DMD: variants seen among roughly 807,000 people sequenced by gnomAD.
DMD encodes dystrophin, also known as mutant dystrophin.
Under a neutral mutation model 330.1 loss-of-function variants are expected in DMD, and 63 were observed. That is an observed-to-expected ratio of 0.19 (90% CI 0.16 to 0.24). The LOEUF is 0.24. Ranked by LOEUF, DMD falls within the 10% of genes least tolerant of loss-of-function variation. The pLI is 1.00. For synonymous variants in DMD, 1,223 were observed against 959.8 expected, an observed-to-expected ratio of 1.27 and a Z score of -5.07; for missense variants, 3,344 against 2,684.1, an observed-to-expected ratio of 1.25 and a Z score of -5.43.
intron 47 of DMD, among the ~76,000 whole-genome samples, chrX:31,915,327 C>A (rs1433115695): frequency 8.9e-6 from 1 of 111,853 alleles, no homozygotes; most frequent in Non-Finnish European, 1.9e-5. Flanking sequence ...AGTATAGCTG[C>A]CTTGCTAGCC....
At chrX:31,723,641 C>CACACACAG (rs2085758730) in intron 52 of DMD, among the ~76,000 whole-genome samples, 2 of 106,976 alleles carry the variant, frequency 1.9e-5, no homozygotes, top group Admixed American at 2.0e-4. Flanking sequence ...CACACACACA[C>CACACACAG]ACACACACAC....
chrX:32,132,255 A>G (rs1198404136), intron 44 of DMD, among the ~76,000 whole-genome samples: 1 of 112,087 alleles, frequency 8.9e-6, no homozygotes, highest in Admixed American at 9.5e-5. Flanking sequence ...GTCACTCTAA[A>G]AAATGTGCAA....
At chrX:33,231,964 C>T (rs2052395587) in intron 1 of DMD, among the ~76,000 whole-genome samples, 1 of 111,213 alleles carries the variant, frequency 9.0e-6, no homozygotes, top group Non-Finnish European at 1.9e-5. Context: ...TAGGGGTCAG[C>T]TTCACAGTGA....
chrX:31,966,370 T>C (rs2095351380), intron 45 of DMD, among the ~76,000 whole-genome samples: 1 of 111,275 alleles, frequency 9.0e-6, no homozygotes, highest in African/African-American at 3.3e-5. Context: ...TTTATTACAT[T>C]TTTACATTTC....
intron 59 of DMD, among the ~76,000 whole-genome samples, chrX:31,455,742 A>G (rs900615029): frequency 5.3e-5 from 6 of 112,624 alleles, no homozygotes; most frequent in African/African-American, 1.9e-4. Flanking sequence ...TAAAATAAAA[A>G]TGGAGTGAGT....
chrX:31,795,381 T>C (rs2149328138), intron 50 of DMD, among the ~76,000 whole-genome samples: 1 of 112,266 alleles, frequency 8.9e-6, no homozygotes, highest in Non-Finnish European at 1.9e-5. Flanking sequence ...GGGTGAAATC[T>C]CTGAATCTGT....
chrX:32,251,196 T>TA (rs1320791156), intron 43 of DMD, among the ~76,000 whole-genome samples: 4 of 106,360 alleles, frequency 3.8e-5, no homozygotes, highest in South Asian at 4.1e-4. Context: ...TAATAATAAT[T>TA]AAAAAAAAAA....
chrX:32,335,881 GTTATATATAA>G (rs2097708905), intron 41 of DMD, among the ~76,000 whole-genome samples: 1 of 103,131 alleles, frequency 9.7e-6, no homozygotes, highest in East Asian at 3.8e-4. Flanking sequence ...TGTATAACAT[GTTATATATAA>G]CATGTTATAC....
rs760373690 is a variant in DMD, at chrX:32,441,168, T to C, written c.3921+12A>G. The C allele has an allele frequency of 6.2e-5, 75 of 1,205,881 alleles. 1 individual carries two copies. The East Asian group carries it at 1.9e-3, about 30-fold the overall frequency. On this transcript the variant is annotated intron_variant, in intron 28 of 78. Coordinates refer to ENST00000357033, the MANE Select transcript of DMD (RefSeq NM_004006.3). The stretch of plus-strand genomic sequence containing the variant: ...TATAAATTATCATCATTTGGCTTAA[T>C]TTACAACTTACATCTAGCACCTCAG...
At chrX:31,200,850 T>C (rs146523573) in intron 67 of DMD, among the ~76,000 whole-genome samples, 1,762 of 111,454 alleles carry the variant, frequency 0.016, 36 homozygotes, top group African/African-American at 0.054. Context: ...AGAATGGCAA[T>C]GGAAAGCAAT....
rs1255732756 is a variant in DMD, at chrX:32,370,217, GTGT to G, written c.4846-5021_4846-5019del. 6.1e-5 allele frequency among the ~76,000 whole-genome samples: 4 copies of G among 65,573 alleles called. No individual in the cohort carries two copies. The Admixed American group carries it at 7.0e-4, about 11-fold the overall frequency. 56.9% of individuals were successfully genotyped at this position (65,573 alleles called of 115,157 possible). ...ATTAAGGTTTACCTTGAAAGTGGTA[GTGT>G]TTTTTTTTTTTTTTTTAAATTCTCA... On this transcript the variant is annotated intron_variant, in intron 34 of 78. Coordinates refer to ENST00000357033, the MANE Select transcript of DMD (RefSeq NM_004006.3).
intron 1 of DMD, among the ~76,000 whole-genome samples, chrX:33,293,909 C>A (rs2053549111): frequency 9.0e-6 from 1 of 111,533 alleles, no homozygotes; most frequent in Non-Finnish European, 1.9e-5. Context: ...CTTAGCCTCT[C>A]CCTCATTTAT....
intron 17 of DMD, among the ~76,000 whole-genome samples, chrX:32,543,192 TTCTG>T (rs1328479843): frequency 2.7e-5 from 3 of 112,073 alleles, no homozygotes; most frequent in Admixed American, 9.5e-5. Flanking sequence ...TGAAGAATCT[TTCTG>T]TATGTGCCCA....
intron 1 of DMD, among the ~76,000 whole-genome samples, chrX:33,155,554 G>A (rs1264816908): frequency 9.0e-6 from 1 of 111,130 alleles, no homozygotes. Context: ...GACCTCAGGT[G>A]ATCCACCTGC....
intron 74 of DMD, among the ~76,000 whole-genome samples, chrX:31,164,972 T>C (rs148967661): frequency 0.021 from 2,333 of 111,814 alleles, 21 homozygotes; most frequent in Non-Finnish European, 0.03. Context: ...TTATATTCCA[T>C]AGGAATGCCC....
intron 42 of DMD, among the ~76,000 whole-genome samples, chrX:32,293,121 G>C (rs180900210): frequency 2.7e-5 from 3 of 112,414 alleles, no homozygotes; most frequent in East Asian, 5.6e-4. Context: ...TTATCTGACA[G>C]GTCAGGTATT....
chrX:32,363,267 C>G (rs2097843598), intron 36 of DMD, among the ~76,000 whole-genome samples: 1 of 111,749 alleles, frequency 8.9e-6, no homozygotes, highest in African/African-American at 3.3e-5. Flanking sequence ...GTTTTCCCAA[C>G]TATGTTGTTG....
intron 1 of DMD, among the ~76,000 whole-genome samples, chrX:33,172,558 C>T: frequency 9.0e-6 from 1 of 111,250 alleles, no homozygotes; most frequent in South Asian, 3.8e-4. Context: ...GCTGTCCATT[C>T]CCCATCCACC....
intron 44 of DMD, among the ~76,000 whole-genome samples, chrX:31,995,257 G>A (rs2150334504): frequency 8.9e-6 from 1 of 111,742 alleles, no homozygotes; most frequent in African/African-American, 3.2e-5. Flanking sequence ...AAATGAGTAG[G>A]CAAATTTGAA....
Sources: gnomAD v4.1 joint callset for allele counts (sites outside exome capture counted in the v4.1 genomes callset) on GRCh38, gnomAD v4.1.1 for gene constraint, MANE v1.5 for transcripts, NCBI Gene and HGNC (gene_info 2026-07-23, HGNC 2026-07-21) for gene names.